PCDH15: variants seen among roughly 807,000 people sequenced by gnomAD.
The protein encoded by PCDH15 is protocadherin-15.
Under a neutral mutation model 178.5 loss-of-function variants are expected in PCDH15, and 129 were observed. The ratio of observed to expected loss-of-function variants is 0.72; its 90% confidence interval spans 0.63 to 0.84. PCDH15 has a LOEUF of 0.84. Ranked by LOEUF, PCDH15 falls within the 40% of genes least tolerant of loss-of-function variation. The pLI is 0.00. For synonymous variants in PCDH15, 800 were observed against 732.0 expected, an observed-to-expected ratio of 1.09 and a Z score of -1.50; for missense variants, 2,230 against 2,099.9, an observed-to-expected ratio of 1.06 and a Z score of -1.21.
intron 2 of PCDH15, among the ~76,000 whole-genome samples, chr10:55,146,942 G>A (rs1441749696): frequency 6.6e-6 from 1 of 151,348 alleles, no homozygotes; most frequent in African/African-American, 2.4e-5. Context: ...GTGGGGGGAA[G>A]ACCTGGAATG....
At chr10:54,946,734 A>G (rs909077521) in intron 2 of PCDH15, among the ~76,000 whole-genome samples, 7 of 151,882 alleles carry the variant, frequency 4.6e-5, no homozygotes, top group African/African-American at 1.7e-4. Flanking sequence ...AGCACTTTAC[A>G]AGGTGATCTT....
intron 8 of PCDH15, among the ~76,000 whole-genome samples, chr10:54,240,787 A>G (rs1447292100): frequency 1.3e-5 from 2 of 150,808 alleles, no homozygotes; most frequent in Admixed American, 6.6e-5. Flanking sequence ...GCCCGCCACC[A>G]CGCCCGGCTA....
At chr10:54,119,075 T>C (rs1335150570) in intron 15 of PCDH15, among the ~76,000 whole-genome samples, 3 of 152,192 alleles carry the variant, frequency 2.0e-5, no homozygotes, top group Non-Finnish European at 4.4e-5. Flanking sequence ...GCAAGAATTC[T>C]GGCATCATGA....
chr10:54,988,342 C>G (rs1322451912), intron 2 of PCDH15, among the ~76,000 whole-genome samples: 1 of 151,968 alleles, frequency 6.6e-6, no homozygotes, highest in Non-Finnish European at 1.5e-5. Context: ...GCTATAGATA[C>G]CCCAAAATAT....
intron 3 of PCDH15, among the ~76,000 whole-genome samples, chr10:54,511,694 C>G (rs921724017): frequency 3.3e-5 from 5 of 152,126 alleles, no homozygotes; most frequent in Non-Finnish European, 2.9e-5. Context: ...AAACCAAACA[C>G]ATATCTAGTC....
At chr10:55,124,841 G>A (rs902022363) in intron 2 of PCDH15, among the ~76,000 whole-genome samples, 5 of 152,030 alleles carry the variant, frequency 3.3e-5, no homozygotes, top group African/African-American at 9.7e-5. Flanking sequence ...ACTGACAGGT[G>A]TAAAAACTAA....
chr10:54,227,940 G>T (rs1209076920), intron 9 of PCDH15, among the ~76,000 whole-genome samples: 1 of 152,168 alleles, frequency 6.6e-6, no homozygotes, highest in Non-Finnish European at 1.5e-5. Context: ...ACCTCAGCCT[G>T]GTTTTCATCA....
chr10:55,430,861 C>A (rs1838865337), intron 2 of PCDH15, among the ~76,000 whole-genome samples: 1 of 151,992 alleles, frequency 6.6e-6, no homozygotes, highest in East Asian at 1.9e-4. Context: ...TCACGACTAC[C>A]CAGTTTATGT....
chr10:54,808,262 G>C (rs1429804837), intron 3 of PCDH15, among the ~76,000 whole-genome samples: 1 of 152,102 alleles, frequency 6.6e-6, no homozygotes, highest in Non-Finnish European at 1.5e-5. Context: ...GTCATTCTTT[G>C]TCTTTTGCAT....
intron 24 of PCDH15, among the ~76,000 whole-genome samples, chr10:53,939,295 G>A (rs931187724): frequency 1.3e-5 from 2 of 151,906 alleles, no homozygotes; most frequent in Non-Finnish European, 2.9e-5. Flanking sequence ...CACACTAAAG[G>A]CTTTCAGAAG....
At chr10:54,562,716 A>G (rs2088375333) in intron 2 of PCDH15, among the ~76,000 whole-genome samples, 1 of 152,260 alleles carries the variant, frequency 6.6e-6, no homozygotes, top group East Asian at 1.9e-4. Flanking sequence ...CTCTCTCTTG[A>G]TATACAGACA....
chr10:53,981,124 G>T (rs986626267), intron 21 of PCDH15, among the ~76,000 whole-genome samples: 7 of 152,080 alleles, frequency 4.6e-5, no homozygotes, highest in African/African-American at 1.7e-4. Flanking sequence ...ATAAAAATGT[G>T]ATATAATTCT....
chr10:54,612,172 A>G (rs1257479932), intron 2 of PCDH15, among the ~76,000 whole-genome samples: 2 of 151,872 alleles, frequency 1.3e-5, no homozygotes, highest in African/African-American at 4.8e-5. Flanking sequence ...AGAGGCAAAC[A>G]ATAAAATGAA....
At chr10:54,708,194 G>A (rs2095386836) in intron 1 of PCDH15, among the ~76,000 whole-genome samples, 1 of 152,194 alleles carries the variant, frequency 6.6e-6, no homozygotes, top group African/African-American at 2.4e-5. Flanking sequence ...ATGCCATATG[G>A]ATAATCACAA....
intron 2 of PCDH15, among the ~76,000 whole-genome samples, chr10:55,397,546 C>T (rs1336697705): frequency 1.3e-5 from 2 of 151,974 alleles, no homozygotes; most frequent in African/African-American, 4.8e-5. Flanking sequence ...TTTTACTCTT[C>T]ATTTGTGTTT....
At chr10:55,598,834 A>T (rs1842998725) in intron 2 of PCDH15, among the ~76,000 whole-genome samples, 2 of 151,958 alleles carry the variant, frequency 1.3e-5, no homozygotes, top group Non-Finnish European at 2.9e-5. Flanking sequence ...AAATCGTAAC[A>T]CGGTAAGTGT....
At chr10:54,450,385 T>C (rs2076404468) in intron 3 of PCDH15, among the ~76,000 whole-genome samples, 1 of 151,474 alleles carries the variant, frequency 6.6e-6, no homozygotes, top group Admixed American at 6.6e-5. Flanking sequence ...TAAGAGTGTT[T>C]TTTTGTAATT....
chr10:55,034,273 C>T (rs1161642339), intron 2 of PCDH15, among the ~76,000 whole-genome samples: 1 of 152,020 alleles, frequency 6.6e-6, no homozygotes, highest in East Asian at 1.9e-4. Flanking sequence ...AAAAATAATA[C>T]TTTTTCCTGT....
rs555144453 is a variant in PCDH15, at chr10:54,244,959, T to C, written c.877-8028A>G. ...GAATATTTCAATGATAATAATGATA[T>C]GGTTCCCATTGTGTGCTCTCATCAG... On this transcript the variant is annotated intron_variant, in intron 8 of 37. Coordinates refer to ENST00000644397, the MANE Select transcript of PCDH15 (RefSeq NM_001384140.1). Among the ~76,000 whole-genome samples, 3 of 152,316 alleles carry C rather than the reference T, an allele frequency of 2.0e-5. No individual in the cohort carries two copies. In the South Asian group the frequency reaches 6.2e-4, roughly 32 times the overall value.
Sources: allele counts gnomAD v4.1 joint callset (sites outside exome capture counted in the v4.1 genomes callset), GRCh38; gene constraint gnomAD v4.1.1; transcripts MANE v1.5; gene names NCBI Gene and HGNC (gene_info 2026-07-23, HGNC 2026-07-21).